The following DCLK1 variants were observed in gnomAD, a reference collection of about 807,000 sequenced individuals.
DCLK1 encodes serine/threonine-protein kinase DCLK1.
In DCLK1, 16 loss-of-function variants were observed where a neutral mutation model predicts 86.2. The observed-to-expected ratio is 0.19, with a 90% CI of 0.13 to 0.28. DCLK1 has a LOEUF of 0.28. Among genes scored for constraint, DCLK1 ranks in the 10% least tolerant of loss-of-function variants. The probability of loss-of-function intolerance (pLI) is 1.00; values close to 1 mark genes in which losing one functional copy is unlikely to be tolerated. For synonymous variants in DCLK1, 369 were observed against 370.5 expected, an observed-to-expected ratio of 1.00 and a Z score of 0.05; for missense variants, 590 against 940.2, an observed-to-expected ratio of 0.63 and a Z score of 4.87.
At position 35,974,326 on chromosome 13, in the gene DCLK1, G is replaced by A. The variant is rs142780745; in HGVS notation, c.724-26869C>T. 2.0e-4 allele frequency among the ~76,000 whole-genome samples: 31 copies of A among 152,288 alleles called. 1 individual carries two copies. In the East Asian group the frequency reaches 5.8e-3, roughly 29 times the overall value. ...TGGGATGTAATCTGATCTTGCTACT[G>A]TCCTTACACAAAGAGGGAATTTGGT... On this transcript the variant is annotated intron_variant, in intron 3 of 16. Transcript: ENST00000360631.
rs990741518 is a variant in DCLK1, at chr13:35,774,493, G to A, written c.*42C>T. On this transcript the variant is annotated 3_prime_UTR_variant, in exon 17 of 17. Coordinates refer to ENST00000360631, the MANE Select transcript of DCLK1 (RefSeq NM_001330071.2). ...AAATTTGGGGGAAAAAAATCTCAGA[G>A]TCTCAAAGGGTTAAGCTAGGACTTT... 1 of 1,545,330 alleles carries A rather than the reference G, an allele frequency of 6.5e-7. No homozygotes were observed. Among genetic ancestry groups the A allele is most frequent in the African/African-American group, 1.4e-5 (1 of 72,642 alleles).
chr13:35,924,485 A>T (rs975756898), intron 4 of DCLK1, among the ~76,000 whole-genome samples: 1 of 152,000 alleles, frequency 6.6e-6, no homozygotes, highest in African/African-American at 2.4e-5. Context: ...CCCTGTCTCT[A>T]CTAAAAATAC....
intron 4 of DCLK1, among the ~76,000 whole-genome samples, chr13:35,940,700 C>T (rs1566612541): frequency 6.6e-6 from 1 of 152,146 alleles, no homozygotes. Flanking sequence ...GTTTAATCTT[C>T]TAGAGATTCC....
At chr13:35,860,825 G>A (rs551850584) in intron 5 of DCLK1, among the ~76,000 whole-genome samples, 8 of 152,200 alleles carry the variant, frequency 5.3e-5, no homozygotes, top group Non-Finnish European at 1.2e-4. Flanking sequence ...CCTGGACAGC[G>A]AGGTGATCCG....
chr13:36,098,078 C>T (rs936492780), intron 3 of DCLK1, among the ~76,000 whole-genome samples: 1 of 152,076 alleles, frequency 6.6e-6, no homozygotes, highest in Admixed American at 6.5e-5. Flanking sequence ...TTAGTTAGTG[C>T]CTGGCATACG....
intron 3 of DCLK1, among the ~76,000 whole-genome samples, chr13:36,022,792 C>A (rs979633390): frequency 9.9e-5 from 15 of 152,092 alleles, no homozygotes; most frequent in Non-Finnish European, 1.9e-4. Context: ...ATCTCTGGAC[C>A]ATATGACTTC....
At chr13:35,864,978 G>T (rs72652878) in intron 5 of DCLK1, among the ~76,000 whole-genome samples, 11,660 of 152,062 alleles carry the variant, frequency 0.077, 500 homozygotes, top group Middle Eastern at 0.11. Flanking sequence ...TCCAAGAAAA[G>T]ATCAAAATTT....
At chr13:35,887,536 T>C (rs1161354458) in intron 4 of DCLK1, among the ~76,000 whole-genome samples, 1 of 152,138 alleles carries the variant, frequency 6.6e-6, no homozygotes, top group African/African-American at 2.4e-5. Context: ...AGGAAGTTGC[T>C]TTCAAGGAAG....
chr13:35,909,766 G>A (rs1348724948), intron 4 of DCLK1, among the ~76,000 whole-genome samples: 1 of 151,898 alleles, frequency 6.6e-6, no homozygotes, highest in East Asian at 1.9e-4. Context: ...GGGACAAGGA[G>A]GCATTTTCAA....
At chr13:35,880,472 C>T (rs1872822768) in intron 4 of DCLK1, among the ~76,000 whole-genome samples, 1 of 152,178 alleles carries the variant, frequency 6.6e-6, no homozygotes, top group South Asian at 2.1e-4. Context: ...TGGTGTTCCT[C>T]ACTATTTTGG....
Position 35,947,351 on chromosome 13 carries a change from T to A in DCLK1, c.823+7A>T. 1 of 1,613,050 alleles carries A rather than the reference T, an allele frequency of 6.2e-7. No homozygotes were observed. The highest frequency in any genetic ancestry group is 8.5e-7 in the Non-Finnish European group (1 of 1,179,252). ...TTCCCCTGGTTTTGAACTTTTTTTT[T>A]CCTTACCACTTTCATCTAGCAAGAA... On this transcript the variant is annotated splice_region_variant and intron_variant, in intron 4 of 16. Transcript: ENST00000360631.
At chr13:35,959,906 C>A (rs1039454262) in intron 3 of DCLK1, among the ~76,000 whole-genome samples, 7 of 148,114 alleles carry the variant, frequency 4.7e-5, no homozygotes, top group Non-Finnish European at 7.5e-5. Context: ...CCTGTGTGTG[C>A]ATGTTTATGT....
chr13:36,105,235 T>C (rs7329944), intron 3 of DCLK1, among the ~76,000 whole-genome samples: 14,427 of 152,198 alleles, frequency 0.095, 937 homozygotes, highest in African/African-American at 0.19. Flanking sequence ...AAAAGCCACA[T>C]TTACAAAGGA....
At chr13:35,990,778 T>C (rs751510066) in intron 3 of DCLK1, among the ~76,000 whole-genome samples, 1 of 136,450 alleles carries the variant, frequency 7.3e-6, no homozygotes, top group African/African-American at 2.6e-5. Flanking sequence ...TTGTTGGTTT[T>C]TAAACAGCCA....
intron 3 of DCLK1, among the ~76,000 whole-genome samples, chr13:36,089,566 T>G (rs1884742691): frequency 6.6e-6 from 1 of 152,142 alleles, no homozygotes; most frequent in Non-Finnish European, 1.5e-5. Flanking sequence ...TATTTAAAGT[T>G]TCCCATCACT....
At chr13:35,868,311 G>A (rs578237925) in intron 5 of DCLK1, among the ~76,000 whole-genome samples, 191 of 152,200 alleles carry the variant, frequency 1.3e-3, no homozygotes, top group Middle Eastern at 6.8e-3. Context: ...GTGAGCCACC[G>A]CACCTGGCCC....
At chr13:35,796,173 A>C (rs9574621) in intron 15 of DCLK1, among the ~76,000 whole-genome samples, 79,189 of 151,574 alleles carry the variant, frequency 0.52, 22,028 homozygotes, top group East Asian at 0.83. Flanking sequence ...TGGCCTCACC[A>C]ACAAGATTAC....
At chr13:35,862,191 T>C (rs1871450630) in intron 5 of DCLK1, among the ~76,000 whole-genome samples, 1 of 152,214 alleles carries the variant, frequency 6.6e-6, no homozygotes, top group Admixed American at 6.5e-5. Context: ...AAATATATAT[T>C]GTTAGCGCAG....
intron 10 of DCLK1, among the ~76,000 whole-genome samples, chr13:35,824,861 C>T (rs907165623): frequency 2.1e-4 from 32 of 152,166 alleles, no homozygotes; most frequent in African/African-American, 7.7e-4. Context: ...GATATTTCTT[C>T]CCTAGCCATC....
Sources: gnomAD v4.1 joint callset for allele counts (sites outside exome capture counted in the v4.1 genomes callset) on GRCh38, gnomAD v4.1.1 for gene constraint, MANE v1.5 for transcripts, NCBI Gene and HGNC (gene_info 2026-07-23, HGNC 2026-07-21) for gene names.